Variants in FHIT observed in about 807,000 individuals in gnomAD.
The protein encoded by FHIT is fragile histidine triad diadenosine triphosphatase.
A neutral mutation model predicts 17.9 loss-of-function variants in FHIT; 19 were observed. The ratio of observed to expected loss-of-function variants is 1.06; its 90% CI spans 0.74 to 1.56. The LOEUF (loss-of-function observed/expected upper bound fraction) is 1.56, where lower values mean the gene tolerates loss of function less well. FHIT is among the 40% of genes most tolerant of loss of function. The pLI is 0.00. For synonymous variants in FHIT, 81 were observed against 69.7 expected (o/e 1.16, Z -0.81); for missense variants, 248 against 189.2 (o/e 1.31, Z -1.82).
intron 5 of FHIT, among the ~76,000 whole-genome samples, chr3:60,426,945 G>A (rs981365904): frequency 3.9e-5 from 6 of 152,022 alleles, no homozygotes; most frequent in Non-Finnish European, 2.9e-5. Context: ...TGGGTAAGAC[G>A]GAGTACACTT....
chr3:59,909,783 A>G (rs1394673010), intron 8 of FHIT, among the ~76,000 whole-genome samples: 1 of 152,214 alleles, frequency 6.6e-6, no homozygotes, highest in East Asian at 1.9e-4. Flanking sequence ...CTGCCAATGA[A>G]TGAAAAAGAA....
intron 4 of FHIT, among the ~76,000 whole-genome samples, chr3:60,644,923 G>T (rs2039818125): frequency 6.6e-6 from 1 of 152,142 alleles, no homozygotes; most frequent in Non-Finnish European, 1.5e-5. Context: ...TGCTAGTTCT[G>T]TTATAATCTA....
At chr3:60,617,254 G>A (rs2038979043) in intron 4 of FHIT, 1 of 164,714 alleles carries the variant, frequency 6.1e-6, no homozygotes, top group Non-Finnish European at 1.4e-5. Flanking sequence ...TCTTGATACT[G>A]TAAATATTTT....
chr3:60,988,130 TGA>T (rs1230450552), intron 3 of FHIT, among the ~76,000 whole-genome samples: 1 of 152,202 alleles, frequency 6.6e-6, no homozygotes, highest in Non-Finnish European at 1.5e-5. Flanking sequence ...GTTTGTTGGT[TGA>T]GATGCTATTA....
intron 2 of FHIT, among the ~76,000 whole-genome samples, chr3:61,060,323 G>C (rs1036161493): frequency 6.6e-6 from 1 of 152,078 alleles, no homozygotes; most frequent in African/African-American, 2.4e-5. Flanking sequence ...TTTGCTTTAT[G>C]TCCCAGTTTC....
intron 4 of FHIT, among the ~76,000 whole-genome samples, chr3:60,543,900 C>T (rs551207565): frequency 1.2e-4 from 9 of 77,904 alleles, no homozygotes; most frequent in South Asian, 5.8e-4. Context: ...GCCCGCACCA[C>T]GCCCGGCTTT....
chr3:61,045,039 T>C (rs1005656627), intron 2 of FHIT, among the ~76,000 whole-genome samples: 1 of 152,166 alleles, frequency 6.6e-6, no homozygotes, highest in African/African-American at 2.4e-5. Flanking sequence ...TGCCACACTA[T>C]AAAGACCATC....
At chr3:61,230,651 AC>A (rs1419783496) in intron 1 of FHIT, among the ~76,000 whole-genome samples, 1 of 152,198 alleles carries the variant, frequency 6.6e-6, no homozygotes, top group Non-Finnish European at 1.5e-5. Flanking sequence ...GGACCAGTTG[AC>A]AAACCAGGAC....
At chr3:60,377,550 C>T (rs1423591644) in intron 5 of FHIT, among the ~76,000 whole-genome samples, 3 of 141,992 alleles carry the variant, frequency 2.1e-5, no homozygotes, top group Non-Finnish European at 3.0e-5. Flanking sequence ...GGCGCAATCT[C>T]GGCTCACTGC....
intron 4 of FHIT, among the ~76,000 whole-genome samples, chr3:60,784,429 C>G (rs1332383546): frequency 1.3e-5 from 2 of 151,988 alleles, no homozygotes; most frequent in Non-Finnish European, 2.9e-5. Context: ...CTCTGCCTCC[C>G]AAGCTCAAGT....
At chr3:60,560,065 A>G (rs1050709081) in intron 4 of FHIT, among the ~76,000 whole-genome samples, 2 of 151,864 alleles carry the variant, frequency 1.3e-5, no homozygotes, top group African/African-American at 4.8e-5. Flanking sequence ...AAACTGTAAC[A>G]TGGTATGCTC....
At chr3:60,019,502 T>C (rs1447280064) in intron 5 of FHIT, among the ~76,000 whole-genome samples, 2 of 147,042 alleles carry the variant, frequency 1.4e-5, no homozygotes, top group African/African-American at 5.0e-5. Flanking sequence ...CAGTGCAACC[T>C]CTGCTTCCTG....
intron 7 of FHIT, among the ~76,000 whole-genome samples, chr3:59,974,653 A>T (rs892744416): frequency 6.6e-6 from 1 of 152,164 alleles, no homozygotes; most frequent in Non-Finnish European, 1.5e-5. Flanking sequence ...GAGAATATCA[A>T]CTTTATACGT....
chr3:60,583,542 T>C (rs1364217777), intron 4 of FHIT, among the ~76,000 whole-genome samples: 3 of 152,050 alleles, frequency 2.0e-5, no homozygotes, highest in African/African-American at 7.2e-5. Context: ...AAAACTTTAT[T>C]TATGGTCACT....
At chr3:59,820,911 T>G (rs1237263784) in intron 8 of FHIT, among the ~76,000 whole-genome samples, 1 of 152,218 alleles carries the variant, frequency 6.6e-6, no homozygotes, top group African/African-American at 2.4e-5. Context: ...CAGTTTCATA[T>G]TTCCAACTTG....
chr3:61,198,586 G>C (rs1293547066), intron 2 of FHIT, among the ~76,000 whole-genome samples: 1 of 152,064 alleles, frequency 6.6e-6, no homozygotes, highest in Non-Finnish European at 1.5e-5. Context: ...TCTTGAAGAA[G>C]CTAACTAGCA....
At chr3:61,153,810 G>A (rs563833892) in intron 2 of FHIT, among the ~76,000 whole-genome samples, 56 of 152,248 alleles carry the variant, frequency 3.7e-4, no homozygotes, top group African/African-American at 1.2e-3. Flanking sequence ...CCTAGGCCTC[G>A]AGGTATGTTT....
chr3:60,448,509 T>C (rs1431998441), intron 5 of FHIT, among the ~76,000 whole-genome samples: 2 of 152,152 alleles, frequency 1.3e-5, no homozygotes, highest in Non-Finnish European at 2.9e-5. Flanking sequence ...TAACTCTGAA[T>C]TAAATACCGT....
At chr3:60,555,535 C>T (rs1185665796) in intron 4 of FHIT, among the ~76,000 whole-genome samples, 1 of 152,170 alleles carries the variant, frequency 6.6e-6, no homozygotes, top group Non-Finnish European at 1.5e-5. Flanking sequence ...TTTCCCTGCA[C>T]CCTAGACAAA....
Sources: gnomAD v4.1 joint callset for allele counts (sites outside exome capture counted in the v4.1 genomes callset) on GRCh38, gnomAD v4.1.1 for gene constraint, MANE v1.5 for transcripts, NCBI Gene and HGNC (gene_info 2026-07-23, HGNC 2026-07-21) for gene names.